The following NEGR1 variants were observed in gnomAD, a reference collection of about 807,000 sequenced individuals.
The protein encoded by NEGR1 is neuronal growth regulator 1.
NEGR1 carries 10 observed loss-of-function variants against 40.9 expected under a neutral mutation model. That is an observed-to-expected ratio of 0.24 (90% CI 0.15 to 0.42). NEGR1 has a LOEUF of 0.42. NEGR1 is among the 10% of genes least tolerant of loss of function. The pLI is 1.00. For missense variants in NEGR1, 352 were observed against 438.9 expected, an observed-to-expected ratio of 0.80 and a Z score of 1.77; for synonymous variants, 185 against 166.8, an observed-to-expected ratio of 1.11 and a Z score of -0.84.
chr1:71,868,970 A>G (rs1236353730), intron 2 of NEGR1, among the ~76,000 whole-genome samples: 2 of 152,124 alleles, frequency 1.3e-5, no homozygotes, highest in East Asian at 1.9e-4. Context: ...AATGACCTCA[A>G]TTTCTCCTAG....
At chr1:71,883,058 C>T (rs1660624527) in intron 2 of NEGR1, among the ~76,000 whole-genome samples, 1 of 152,114 alleles carries the variant, frequency 6.6e-6, no homozygotes, top group Non-Finnish European at 1.5e-5. Context: ...AGTATAATTT[C>T]CACTTTATTG....
chr1:71,854,136 T>G (rs1481096084), intron 2 of NEGR1, among the ~76,000 whole-genome samples: 2 of 152,146 alleles, frequency 1.3e-5, no homozygotes, highest in African/African-American at 4.8e-5. Context: ...CTATACCTTG[T>G]CAACCAGGCA....
chr1:71,921,747 A>C (rs1645722732), intron 2 of NEGR1, among the ~76,000 whole-genome samples: 1 of 144,814 alleles, frequency 6.9e-6, no homozygotes, highest in African/African-American at 2.5e-5. Flanking sequence ...ATACCATCGC[A>C]TGGTTCATAC....
At chr1:71,692,014 G>C (rs916924121) in intron 4 of NEGR1, among the ~76,000 whole-genome samples, 1 of 151,654 alleles carries the variant, frequency 6.6e-6, no homozygotes, top group Non-Finnish European at 1.5e-5. Flanking sequence ...AGCACCTTAC[G>C]ATTGGTTTAT....
At chr1:71,949,475 G>A (rs1175018261) in intron 1 of NEGR1, among the ~76,000 whole-genome samples, 1 of 151,906 alleles carries the variant, frequency 6.6e-6, no homozygotes, top group Non-Finnish European at 1.5e-5. Context: ...TACCTGTCAC[G>A]TAGTTGGTAC....
chr1:71,850,590 TATTC>T (rs1297123472), intron 2 of NEGR1, among the ~76,000 whole-genome samples: 2 of 152,226 alleles, frequency 1.3e-5, no homozygotes, highest in African/African-American at 2.4e-5. Context: ...GATTGTATGT[TATTC>T]ATTCATCTCA....
chr1:71,499,446 A>G (rs903988089), intron 6 of NEGR1, among the ~76,000 whole-genome samples: 1 of 148,006 alleles, frequency 6.8e-6, no homozygotes, highest in African/African-American at 2.5e-5. Context: ...TATATAACAT[A>G]TATAATTATA....
At chr1:71,427,998 T>TCACACA (rs3050682) in intron 6 of NEGR1, among the ~76,000 whole-genome samples, 9 of 149,910 alleles carry the variant, frequency 6.0e-5, no homozygotes, top group African/African-American at 2.4e-5. Context: ...GATAACACAC[T>TCACACA]CACACACACA....
intron 4 of NEGR1, among the ~76,000 whole-genome samples, chr1:71,694,954 C>T (rs930465533): frequency 1.3e-5 from 2 of 151,716 alleles, no homozygotes; most frequent in Non-Finnish European, 3.0e-5. Flanking sequence ...TTCAGGTTAT[C>T]AGGGGATGTG....
intron 1 of NEGR1, among the ~76,000 whole-genome samples, chr1:72,011,240 G>A (rs1246272414): frequency 6.6e-6 from 1 of 152,058 alleles, no homozygotes; most frequent in Non-Finnish European, 1.5e-5. Context: ...AAGGATATTA[G>A]TGGGCTCAGC....
chr1:71,581,878 A>AT (rs1332178248), intron 6 of NEGR1, among the ~76,000 whole-genome samples: 1 of 151,770 alleles, frequency 6.6e-6, no homozygotes, highest in Non-Finnish European at 1.5e-5. Context: ...AATTTTGTGT[A>AT]TTTTTTGTAG....
intron 1 of NEGR1, among the ~76,000 whole-genome samples, chr1:72,005,674 A>C (rs949964182): frequency 9.2e-5 from 14 of 152,248 alleles, no homozygotes; most frequent in Admixed American, 2.0e-4. Flanking sequence ...TTTATTCATA[A>C]ATCAAGTTTC....
chr1:72,038,598 TAA>T (rs1218169864), intron 1 of NEGR1, among the ~76,000 whole-genome samples: 3 of 151,964 alleles, frequency 2.0e-5, no homozygotes, highest in Admixed American at 6.6e-5. Context: ...CGTACAAAGA[TAA>T]AAGAGATCAT....
chr1:71,949,014 C>G (rs1339742643), intron 1 of NEGR1, among the ~76,000 whole-genome samples: 1 of 152,000 alleles, frequency 6.6e-6, no homozygotes, highest in Non-Finnish European at 1.5e-5. Context: ...GAACTGGAAT[C>G]TGGGGGAAAT....
chr1:71,477,174 T>A (rs1378233975), intron 6 of NEGR1, among the ~76,000 whole-genome samples: 1 of 152,154 alleles, frequency 6.6e-6, no homozygotes, highest in East Asian at 1.9e-4. Context: ...AAAGTGTTTT[T>A]AAAAAGGCAA....
intron 1 of NEGR1, among the ~76,000 whole-genome samples, chr1:72,146,881 A>G (rs111711560): frequency 6.6e-5 from 10 of 152,318 alleles, no homozygotes; most frequent in East Asian, 1.9e-4. Context: ...GGCTACATTA[A>G]TAAGTAGAAT....
At chr1:71,608,147 A>G (rs1650128710) in intron 5 of NEGR1, among the ~76,000 whole-genome samples, 1 of 152,212 alleles carries the variant, frequency 6.6e-6, no homozygotes, top group African/African-American at 2.4e-5. Flanking sequence ...ATTATTCATT[A>G]CCATGATATT....
intron 2 of NEGR1, among the ~76,000 whole-genome samples, chr1:71,777,308 A>G (rs535560395): frequency 6.6e-6 from 1 of 152,254 alleles, no homozygotes; most frequent in South Asian, 2.1e-4. Context: ...ATGGAGACTA[A>G]GTAAGTCACT....
intron 1 of NEGR1, among the ~76,000 whole-genome samples, chr1:72,200,671 T>C (rs1182764978): frequency 6.6e-6 from 1 of 151,910 alleles, no homozygotes; most frequent in Non-Finnish European, 1.5e-5. Flanking sequence ...GAAAAGTGTC[T>C]AAATATGACA....
Sources: gnomAD v4.1 joint callset for allele counts (sites outside exome capture counted in the v4.1 genomes callset) on GRCh38, gnomAD v4.1.1 for gene constraint, MANE v1.5 for transcripts, NCBI Gene and HGNC (gene_info 2026-07-23, HGNC 2026-07-21) for gene names.